Variants in CCR5AS observed in about 807,000 individuals in gnomAD.
CCR5AS encodes the protein CCR5 antisense RNA.
chr3:46,395,745 C>T (rs1701956224), intron 1 of CCR5AS, among the ~76,000 whole-genome samples: 1 of 152,220 alleles, frequency 6.6e-6, no homozygotes, highest in African/African-American at 2.4e-5. Flanking sequence ...GGACCAGCCT[C>T]TGAAGTTGAA....
At chr3:46,384,639 A>C (rs538963660) in intron 2 of CCR5AS, among the ~76,000 whole-genome samples, 1 of 152,356 alleles carries the variant, frequency 6.6e-6, no homozygotes, top group East Asian at 1.9e-4. Flanking sequence ...TGAGTTATCC[A>C]ATCCAAGGAT....
intron 2 of CCR5AS, chr3:46,374,035 G>A: frequency 9.0e-7 from 1 of 1,117,052 alleles, no homozygotes; most frequent in African/African-American, 1.6e-5. Context: ...GCCTGGGCTG[G>A]GGGTGGGGTG....
intron 2 of CCR5AS, among the ~76,000 whole-genome samples, chr3:46,384,853 G>A (rs1701844194): frequency 6.9e-6 from 1 of 144,864 alleles, no homozygotes; most frequent in African/African-American, 2.6e-5. Flanking sequence ...AGGGTACATA[G>A]ATGATAGATA....
intron 2 of CCR5AS, chr3:46,373,041 G>A: frequency 6.2e-7 from 1 of 1,614,098 alleles, no homozygotes. Context: ...TGGTTTTGTG[G>A]GCAACATGCT....
chr3:46,385,240 A>G (rs1219544681), intron 2 of CCR5AS, among the ~76,000 whole-genome samples: 1 of 152,194 alleles, frequency 6.6e-6, no homozygotes, highest in African/African-American at 2.4e-5. Context: ...TTTTTATTCT[A>G]CAGGCCACAG....
At chr3:46,391,714 C>A (rs973195679) in intron 2 of CCR5AS, among the ~76,000 whole-genome samples, 3 of 152,036 alleles carry the variant, frequency 2.0e-5, no homozygotes, top group African/African-American at 7.3e-5. Flanking sequence ...AGTTGTGGAA[C>A]GAAACTGTAA....
intron 2 of CCR5AS, chr3:46,373,898 C>A: frequency 6.2e-7 from 1 of 1,609,612 alleles, no homozygotes; most frequent in Non-Finnish European, 8.5e-7. Context: ...AAGAGGCTCC[C>A]GAGCGAGCAA....
intron 2 of CCR5AS, chr3:46,373,308 G>A: frequency 6.2e-7 from 1 of 1,614,146 alleles, no homozygotes; most frequent in Non-Finnish European, 8.5e-7. Context: ...TGCTGTGTTT[G>A]CTTTAAAAGC....
chr3:46,378,883 C>G (rs369929672), intron 2 of CCR5AS, among the ~76,000 whole-genome samples: 1 of 152,042 alleles, frequency 6.6e-6, no homozygotes, highest in Non-Finnish European at 1.5e-5. Flanking sequence ...AAGCATTTTT[C>G]ATATTGCATA....
intron 2 of CCR5AS, among the ~76,000 whole-genome samples, chr3:46,372,124 G>T (rs1701669658): frequency 6.6e-6 from 1 of 152,190 alleles, no homozygotes; most frequent in African/African-American, 2.4e-5. Context: ...TGGGTATGAT[G>T]CTTAGAACAG....
intron 2 of CCR5AS, among the ~76,000 whole-genome samples, chr3:46,376,958 C>T (rs912805406): frequency 2.0e-5 from 3 of 152,124 alleles, no homozygotes; most frequent in Non-Finnish European, 4.4e-5. Context: ...CAGCTTGTCC[C>T]TACCAAGACT....
At chr3:46,380,146 C>A (rs1351548900) in intron 2 of CCR5AS, among the ~76,000 whole-genome samples, 1 of 152,040 alleles carries the variant, frequency 6.6e-6, no homozygotes, top group Non-Finnish European at 1.5e-5. Flanking sequence ...CTTCAACCTG[C>A]CTTTCTGGAG....
In CCR5AS at chr3:46,390,342, C is replaced by CGATTT. The variant is rs1352283813; in HGVS notation, n.391+2478_391+2482dup. Among the ~76,000 whole-genome samples, 11 of 152,146 alleles carry CGATTT rather than the reference C, an allele frequency of 7.2e-5. No homozygotes were observed. The South Asian group carries it at 2.3e-3, about 32-fold the overall frequency. ...GGCACTATAGGATGGATGGGAAGGA[C>CGATTT]GATTTGATCAACAAGACGAAGATCC... On this transcript the variant is annotated intron_variant and non_coding_transcript_variant, in intron 2 of 3. Transcript: ENST00000451485.
At chr3:46,394,775 C>T (rs533063121) in intron 1 of CCR5AS, among the ~76,000 whole-genome samples, 7 of 152,216 alleles carry the variant, frequency 4.6e-5, no homozygotes, top group African/African-American at 1.7e-4. Flanking sequence ...AAAGAAACTT[C>T]AGGAAATGGT....
chr3:46,404,410 C>T (rs576119193), intron 1 of CCR5AS, among the ~76,000 whole-genome samples: 2 of 149,546 alleles, frequency 1.3e-5, no homozygotes, highest in Non-Finnish European at 3.0e-5. Flanking sequence ...TCTTGGCTCA[C>T]GGCAACCTCC....
At chr3:46,379,487 G>A (rs1298158216) in intron 2 of CCR5AS, among the ~76,000 whole-genome samples, 1 of 151,960 alleles carries the variant, frequency 6.6e-6, no homozygotes, top group Non-Finnish European at 1.5e-5. Flanking sequence ...TAACTGAACC[G>A]CAGATTAGTC....
chr3:46,387,005 T>C (rs1414539826), intron 2 of CCR5AS, among the ~76,000 whole-genome samples: 1 of 152,120 alleles, frequency 6.6e-6, no homozygotes, highest in East Asian at 1.9e-4. Flanking sequence ...GCCCATGTAA[T>C]ATTTGAATAT....
At chr3:46,406,789 C>T (rs928633137) in intron 1 of CCR5AS, 4 of 152,914 alleles carry the variant, frequency 2.6e-5, no homozygotes, top group Non-Finnish European at 2.9e-5. Context: ...CTTTTCCCAG[C>T]TGACATCACC....
At chr3:46,364,364 G>T (rs1701580891), downstream of CCR5AS, among the ~76,000 whole-genome samples, 1 of 152,164 alleles carries the variant, frequency 6.6e-6, no homozygotes, top group African/African-American at 2.4e-5. Flanking sequence ...TCCATAAATG[G>T]AACAATAAAG....
Sources: gnomAD v4.1 joint callset for allele counts (sites outside exome capture counted in the v4.1 genomes callset) on GRCh38, gnomAD v4.1.1 for gene constraint, MANE v1.5 for transcripts, NCBI Gene and HGNC (gene_info 2026-07-23, HGNC 2026-07-21) for gene names.